TASOR2: variants seen among roughly 807,000 people sequenced by gnomAD.
TASOR2 encodes the protein protein TASOR 2.
A neutral mutation model predicts 199.5 loss-of-function variants in TASOR2; 84 were observed. The observed-to-expected ratio is 0.42, with a 90% CI of 0.35 to 0.50. The LOEUF (loss-of-function observed/expected upper bound fraction) is 0.50, where lower values mean the gene tolerates loss of function less well. TASOR2 is among the 20% of genes least tolerant of loss of function. The probability of loss-of-function intolerance (pLI) is 0.02; values close to 1 mark genes in which losing one functional copy is unlikely to be tolerated. For synonymous variants in TASOR2, 1,103 were observed against 1,046.6 expected, an observed-to-expected ratio of 1.05 and a Z score of -1.04; for missense variants, 2,796 against 2,835.9, an observed-to-expected ratio of 0.99 and a Z score of 0.32.
chr10:5,760,340 G>A (rs931713679), intron 18 of TASOR2, among the ~76,000 whole-genome samples: 9 of 152,134 alleles, frequency 5.9e-5, no homozygotes, highest in Admixed American at 2.0e-4. Context: ...TGCTGTTGGC[G>A]CTGCAGTATG....
intron 1 of TASOR2, among the ~76,000 whole-genome samples, chr10:5,702,661 T>G (rs12569442): frequency 0.38 from 32,540 of 86,584 alleles, 4,699 homozygotes; most frequent in East Asian, 0.48. Flanking sequence ...TTTTTTTTTT[T>G]GGTAAGTAAG....
chr10:5,763,159 C>A, exon 21 of TASOR2: 1 of 900,006 alleles, frequency 1.1e-6, no homozygotes, highest in Non-Finnish European at 1.7e-6. Context: ...TGTTCTACAA[C>A]TTGGAAAGTT....
At chr10:5,702,854 C>A (rs892309781) in intron 1 of TASOR2, among the ~76,000 whole-genome samples, 1 of 152,048 alleles carries the variant, frequency 6.6e-6, no homozygotes, top group Admixed American at 6.5e-5. Context: ...AACATTGAGA[C>A]ATATTCTGGT....
rs747444169 is a variant in TASOR2 at position 5,762,524 on chromosome 10, T to TTTC, written c.7175-6_7175-5insCTT. 7.6e-4 allele frequency: 521 copies of TTTC among 689,318 alleles called. 5 individuals are homozygous for TTTC. In the African/African-American group the frequency reaches 9.1e-3, roughly 12 times the overall value. The allele number at this position is 689,318 out of a possible 1,614,324, so 42.7% of individuals were successfully genotyped here. A position where few individuals can be genotyped will look rare whatever the true frequency, so the allele number is the denominator to read the frequency against. The stretch of plus-strand genomic sequence containing the variant: ...TAACCAAAAGTTGTTTTTTTTTTTT[T>TTTC]TTAACAGACAAGCCTACTATCCCCA... On this transcript the variant is annotated splice_region_variant and splice_polypyrimidine_tract_variant and intron_variant, in intron 19 of 20. Transcript: ENST00000328090.
In TASOR2 at chr10:5,746,340, T is replaced by C; in HGVS notation, c.2919T>C (p.Thr973=). 3 of 1,614,074 alleles carry C rather than the reference T, an allele frequency of 1.9e-6. No homozygotes were observed. In the Admixed American group the frequency reaches 5.0e-5, roughly 27 times the overall value. Reference sequence around the variant, plus strand: ...TGGCTTCTTACAGTGGCACTGTTACTCAAGCCACATTCACCAGGACTTACG... The same window carrying C: ...TGGCTTCTTACAGTGGCACTGTTACCCAAGCCACATTCACCAGGACTTACG... The change falls in exon 15 of 21, where the codon ACT becomes ACC. Residue 973 remains threonine, a synonymous_variant. Transcript: ENST00000328090.
At chr10:5,755,660 A>G (rs935594426) in intron 15 of TASOR2, among the ~76,000 whole-genome samples, 1 of 152,150 alleles carries the variant, frequency 6.6e-6, no homozygotes, top group African/African-American at 2.4e-5. Context: ...TCTTCTGGGC[A>G]TAACAGAAAC....
chr10:5,749,105 C>G, exon 15 of TASOR2: 1 of 1,614,058 alleles, frequency 6.2e-7, no homozygotes, highest in Non-Finnish European at 8.5e-7. Flanking sequence ...AGCCTCCCTC[C>G]CGGGCACTGG....
exon 15 of TASOR2, chr10:5,746,856 G>T (rs376105890): frequency 1.2e-6 from 2 of 1,614,142 alleles, no homozygotes; most frequent in South Asian, 2.2e-5. Flanking sequence ...AGAAGGAGAC[G>T]CCCCTTCCAG....
chr10:5,723,140 C>T (rs1393051228), intron 6 of TASOR2, among the ~76,000 whole-genome samples: 4 of 148,120 alleles, frequency 2.7e-5, no homozygotes, highest in Admixed American at 6.8e-5. Flanking sequence ...CAAGCTCCAC[C>T]TCCTGGGTTC....
At position 5,695,073 on chromosome 10, in the gene TASOR2, T is replaced by C. The variant is rs772255895; in HGVS notation, c.-288+9898T>C. 2.0e-5 allele frequency among the ~76,000 whole-genome samples: 3 copies of C among 152,234 alleles called. 1 individual carries two copies. The highest frequency in any genetic ancestry group is 3.8e-4 in the East Asian group (2 of 5,204). ...AGTTTTGGTATTCGCATCTGATTGC[T>C]TTGTAAAAACAATTGAGAAGTTTCA... On this transcript the variant is annotated intron_variant, in intron 1 of 20. Coordinates refer to ENST00000328090, the Ensembl canonical transcript of TASOR2.
chr10:5,717,706 T>A (rs769400041), exon 3 of TASOR2: 6 of 1,225,806 alleles, frequency 4.9e-6, no homozygotes, highest in Non-Finnish European at 6.1e-6. Context: ...AAGACCATGG[T>A]ATCATGGGAA....
In TASOR2 at chr10:5,719,966, T is replaced by G. The variant is rs1335137238; in HGVS notation, c.-99-578T>G. On this transcript the variant is annotated intron_variant, in intron 3 of 20. Transcript: ENST00000328090. The surrounding 1 kb of genome is among the most constrained non-coding windows in gnomAD (Gnocchi z 4.1). ...ATAGTTTTTCTTTTAAGGAAATGGC[T>G]CTCTTAAATTTAGGGTGATTCGTAT... is the stretch of plus-strand genomic sequence containing the variant. Among the ~76,000 whole-genome samples, 1 of 152,216 alleles carries G rather than the reference T, an allele frequency of 6.6e-6. No homozygotes were observed. The highest frequency in any genetic ancestry group is 1.5e-5 in the Non-Finnish European group (1 of 68,044).
rs778491705 is a variant in TASOR2, at chr10:5,720,984, G to GT, written c.146+16dup. On this transcript the variant is annotated intron_variant, in intron 6 of 20. Transcript: ENST00000328090. The surrounding 1 kb of genome is among the most constrained non-coding windows in gnomAD (Gnocchi z 5.3). Reference sequence around the variant, plus strand: ...TCCAACACAGCTGTAAGTATTAAATGTTATGTCCTTTACTAATGCTTATAT... The same window carrying GT: ...TCCAACACAGCTGTAAGTATTAAATGTTTATGTCCTTTACTAATGCTTATAT... The GT allele has an allele frequency of 6.3e-7, 1 of 1,587,470 alleles. No homozygotes were observed. Among genetic ancestry groups the GT allele is most frequent in the South Asian group, 1.1e-5 (1 of 87,050 alleles).
chr10:5,733,747 C>T (rs140439495), intron 11 of TASOR2, among the ~76,000 whole-genome samples: 1 of 152,012 alleles, frequency 6.6e-6, no homozygotes, highest in African/African-American at 2.4e-5. Flanking sequence ...TAATCTTTTT[C>T]TTTTTAATTT....
At chr10:5,692,963 A>C (rs1465718292) in intron 1 of TASOR2, 3 of 152,250 alleles carry the variant, frequency 2.0e-5, no homozygotes, top group Non-Finnish European at 4.4e-5. Context: ...TGTTGTGGGA[A>C]GCTCTGACCC....
exon 21 of TASOR2, chr10:5,763,221 G>T (rs1444971214): frequency 3.7e-6 from 2 of 540,742 alleles, no homozygotes; most frequent in East Asian, 3.2e-5. Flanking sequence ...GCAGTTGTCT[G>T]TTAGCTTTGG....
exon 12 of TASOR2, chr10:5,735,432 C>T (rs1351959463): frequency 6.2e-7 from 1 of 1,614,100 alleles, no homozygotes; most frequent in East Asian, 2.2e-5. Context: ...AGAGAAATCT[C>T]CAGTCAAAAC....
Position 5,715,713 on chromosome 10 carries a change from G to A in TASOR2, c.-191-1946G>A, listed in dbSNP as rs537074359. Reference sequence around the variant, plus strand: ...GCTGGAGTGCAATGGCGCAATCTCAGCTCTCTGCAACCTTCGACTCCTTGG... The same window carrying A: ...GCTGGAGTGCAATGGCGCAATCTCAACTCTCTGCAACCTTCGACTCCTTGG... On this transcript the variant is annotated intron_variant, in intron 2 of 20. Transcript: ENST00000328090. Among the ~76,000 whole-genome samples the A allele has an allele frequency of 9.1e-3, 1,389 of 152,064 alleles. 26 individuals are homozygous for A. Among genetic ancestry groups the A allele is most frequent in the African/African-American group, 0.032 (1,324 of 41,476 alleles).
chr10:5,712,472 C>T, intron 1 of TASOR2: 1 of 1,231,708 alleles, frequency 8.1e-7, no homozygotes, highest in Non-Finnish European at 1.0e-6. Flanking sequence ...TACTTGGACT[C>T]TTCATCTGAG....
Sources: gnomAD v4.1 joint callset for allele counts (sites outside exome capture counted in the v4.1 genomes callset) on GRCh38, gnomAD v4.1.1 for gene constraint, Gnocchi (gnomAD v3.1) non-coding constraint, MANE v1.5 for transcripts, NCBI Gene and HGNC (gene_info 2026-07-23, HGNC 2026-07-21) for gene names.